TPH2: variants seen among roughly 807,000 people sequenced by gnomAD.
TPH2 encodes tryptophan 5-hydroxylase 2.
A neutral mutation model predicts 59.1 loss-of-function variants in TPH2; 27 were observed. That is an observed-to-expected ratio of 0.46 (90% CI 0.34 to 0.63). The LOEUF (loss-of-function observed/expected upper bound fraction) is 0.63, where lower values mean the gene tolerates loss of function less well. Ranked by LOEUF, TPH2 falls within the 30% of genes least tolerant of loss-of-function variation. The pLI, the probability that TPH2 is intolerant of heterozygous loss-of-function variation, is 0.01. For missense variants in TPH2, 523 were observed against 588.3 expected (o/e 0.89, Z 1.15); for synonymous variants, 220 against 210.5 (o/e 1.05, Z -0.39).
intron 5 of TPH2, among the ~76,000 whole-genome samples, chr12:71,954,270 G>C (rs1373014272): frequency 6.6e-6 from 1 of 152,076 alleles, no homozygotes; most frequent in Non-Finnish European, 1.5e-5. Flanking sequence ...TTACCCAGAG[G>C]CCCACAGCAG....
At chr12:72,029,601 C>T (rs1873665552) in intron 9 of TPH2, among the ~76,000 whole-genome samples, 2 of 152,146 alleles carry the variant, frequency 1.3e-5, no homozygotes, top group South Asian at 4.1e-4. Context: ...ATGTTCACTG[C>T]CCTGCATTGA....
chr12:72,002,204 A>G (rs1051369536), intron 8 of TPH2, among the ~76,000 whole-genome samples: 1 of 152,172 alleles, frequency 6.6e-6, no homozygotes, highest in African/African-American at 2.4e-5. Flanking sequence ...CAAAAATAAT[A>G]TTAGAAAAAG....
chr12:71,987,362 G>A (rs550893832), intron 7 of TPH2, among the ~76,000 whole-genome samples: 5 of 152,246 alleles, frequency 3.3e-5, no homozygotes, highest in East Asian at 1.9e-4. Context: ...ACTGCAGACC[G>A]AAATACGAAC....
intron 4 of TPH2, 85 bp from the exon 5 acceptor site, chr12:71,949,503 C>CA: frequency 8.9e-7 from 1 of 1,121,196 alleles, no homozygotes; most frequent in South Asian, 1.3e-5. Context: ...ATTGAACACT[C>CA]AGACACCACA....
chr12:71,953,407 C>G (rs1423812967), intron 5 of TPH2, among the ~76,000 whole-genome samples: 2 of 151,894 alleles, frequency 1.3e-5, no homozygotes, highest in Non-Finnish European at 2.9e-5. Flanking sequence ...CTTTTGGGCT[C>G]TTGTGCCTGC....
At chr12:72,012,640 G>A (rs567574316) in intron 8 of TPH2, among the ~76,000 whole-genome samples, 17 of 152,342 alleles carry the variant, frequency 1.1e-4, no homozygotes, top group African/African-American at 4.1e-4. Context: ...TGGTTGTCAT[G>A]ACCTACCATT....
intron 5 of TPH2, among the ~76,000 whole-genome samples, chr12:71,961,383 G>A (rs1471313896): frequency 6.6e-6 from 1 of 152,198 alleles, no homozygotes; most frequent in Non-Finnish European, 1.5e-5. Flanking sequence ...AATGAATGCT[G>A]TTATTAATTT....
intron 5 of TPH2, chr12:71,965,309 G>C (rs949431247): frequency 6.6e-6 from 1 of 152,204 alleles, no homozygotes; most frequent in Non-Finnish European, 1.5e-5. Context: ...TCAGTAACGG[G>C]ATTGCTAGGT....
intron 4 of TPH2, 137 bp from the exon 5 acceptor site, chr12:71,949,451 G>T: frequency 1.4e-6 from 1 of 693,956 alleles, no homozygotes; most frequent in Non-Finnish European, 2.6e-6. Flanking sequence ...GTTTCTGTCT[G>T]TGTCATCAAG....
At chr12:71,985,472 C>T (rs528620706) in intron 7 of TPH2, among the ~76,000 whole-genome samples, 11 of 152,264 alleles carry the variant, frequency 7.2e-5, no homozygotes, top group African/African-American at 2.4e-4. Context: ...GATGTCAGCT[C>T]ACTGTAACCT....
At chr12:72,029,042 T>C (rs1199101942) in intron 9 of TPH2, among the ~76,000 whole-genome samples, 1 of 152,166 alleles carries the variant, frequency 6.6e-6, no homozygotes, top group Non-Finnish European at 1.5e-5. Flanking sequence ...AAAATGATAT[T>C]TTTTCCAAAA....
At chr12:71,960,873 G>A (rs1338179438) in intron 5 of TPH2, among the ~76,000 whole-genome samples, 1 of 152,176 alleles carries the variant, frequency 6.6e-6, no homozygotes. Flanking sequence ...GAACAGTGCT[G>A]TTTTGTCATC....
intron 8 of TPH2, among the ~76,000 whole-genome samples, chr12:72,005,291 A>T (rs1872924358): frequency 6.6e-6 from 1 of 152,124 alleles, no homozygotes; most frequent in Admixed American, 6.6e-5. Context: ...TTCAGCAATG[A>T]AGAGGAGGCT....
Position 71,979,094 on chromosome 12 carries a change from A to G in TPH2, c.941+7A>G. 6.2e-7 allele frequency: 1 copy of G among 1,614,066 alleles called. No homozygotes were observed. Among genetic ancestry groups the G allele is most frequent in the Non-Finnish European group, 8.5e-7 (1 of 1,179,976 alleles). On this transcript the variant is annotated splice_region_variant and intron_variant, in intron 7 of 10. Coordinates refer to ENST00000333850, the MANE Select transcript of TPH2 (RefSeq NM_173353.4). ...CCCTCTACACCCCAGAACCGTGAGT[A>G]CCTACATTAAAGCCCAGGCCACCAC...
intron 8 of TPH2, among the ~76,000 whole-genome samples, chr12:72,021,700 T>G (rs1188047962): frequency 1.3e-5 from 2 of 152,194 alleles, no homozygotes; most frequent in African/African-American, 4.8e-5. Flanking sequence ...TTCAACTTAT[T>G]GGGTTTATTG....
At chr12:71,955,014 A>C (rs1320793832) in intron 5 of TPH2, among the ~76,000 whole-genome samples, 2 of 152,002 alleles carry the variant, frequency 1.3e-5, no homozygotes, top group African/African-American at 2.4e-5. Context: ...TAGCCCATGA[A>C]CCTCATGTTC....
intron 4 of TPH2, among the ~76,000 whole-genome samples, chr12:71,945,312 C>T (rs1194239004): frequency 6.6e-6 from 1 of 152,064 alleles, no homozygotes; most frequent in Non-Finnish European, 1.5e-5. Context: ...TCTCCCCTTC[C>T]CCCTTTTACA....
intron 1 of TPH2, among the ~76,000 whole-genome samples, chr12:71,939,361 G>C (rs1180343483): frequency 7.8e-6 from 1 of 128,618 alleles, no homozygotes; most frequent in Admixed American, 9.2e-5. Context: ...TTAAGAATGA[G>C]AGATTGTATG....
At chr12:71,978,754 G>A (rs751019905) in intron 6 of TPH2, among the ~76,000 whole-genome samples, 198 bp from the exon 7 acceptor site, 7 of 152,020 alleles carry the variant, frequency 4.6e-5, no homozygotes, top group South Asian at 2.1e-4. Context: ...CCTGGAAACC[G>A]TCATTTGAGA....
Sources: allele counts gnomAD v4.1 joint callset (sites outside exome capture counted in the v4.1 genomes callset), GRCh38; gene constraint gnomAD v4.1.1; transcripts MANE v1.5; gene names NCBI Gene and HGNC (gene_info 2026-07-23, HGNC 2026-07-21).